TNS3: variants seen among roughly 807,000 people sequenced by gnomAD.
TNS3 encodes tensin 3.
TNS3 carries 45 observed loss-of-function variants against 140.9 expected under a neutral mutation model. The observed-to-expected ratio is 0.32, with a 90% CI of 0.25 to 0.41. The LOEUF (loss-of-function observed/expected upper bound fraction) is 0.41. Among genes scored for constraint, TNS3 ranks in the 10% least tolerant of loss-of-function variants. The probability of loss-of-function intolerance (pLI) is 1.00; values close to 1 mark genes in which losing one functional copy is unlikely to be tolerated. For synonymous variants in TNS3, 815 were observed against 788.4 expected (o/e 1.03, Z -0.56); for missense variants, 1,716 against 1,906.7 (o/e 0.90, Z 1.86).
intron 5 of TNS3, among the ~76,000 whole-genome samples, chr7:47,440,911 G>A (rs990769715): frequency 6.6e-6 from 1 of 152,012 alleles, no homozygotes; most frequent in African/African-American, 2.4e-5. Context: ...AAATGGTTTT[G>A]CAAACCTCCA....
At chr7:47,488,569 T>C (rs1797694792) in intron 3 of TNS3, among the ~76,000 whole-genome samples, 1 of 152,206 alleles carries the variant, frequency 6.6e-6, no homozygotes, top group Admixed American at 6.5e-5. Flanking sequence ...TCATACTGGA[T>C]TAGGCCCATC....
chr7:47,312,019 T>C (rs377646488), intron 20 of TNS3, among the ~76,000 whole-genome samples: 79 of 152,336 alleles, frequency 5.2e-4, no homozygotes, highest in Middle Eastern at 3.4e-3. Context: ...CCAGTACTAA[T>C]GTTCTGTTTG....
chr7:47,522,927 CA>C (rs370083525), intron 2 of TNS3, among the ~76,000 whole-genome samples: 18 of 139,698 alleles, frequency 1.3e-4, no homozygotes, highest in African/African-American at 3.2e-4. Context: ...GACTCCATCT[CA>C]AAAAAAAAAA....
intron 4 of TNS3, among the ~76,000 whole-genome samples, chr7:47,444,730 C>T (rs1795642576): frequency 6.6e-6 from 1 of 152,120 alleles, no homozygotes; most frequent in African/African-American, 2.4e-5. Context: ...CATTATAGGC[C>T]TCGATACAGT....
intron 16 of TNS3, among the ~76,000 whole-genome samples, chr7:47,388,505 A>G (rs1023099524): frequency 5.3e-5 from 8 of 152,188 alleles, no homozygotes; most frequent in Non-Finnish European, 7.3e-5. Flanking sequence ...AGCAATGGAG[A>G]TACTGATCAC....
chr7:47,550,762 T>C lies in TNS3; in HGVS notation c.-264-21615A>G, dbSNP rs943225157. On this transcript the variant is annotated intron_variant, in intron 1 of 30. Transcript: ENST00000311160. ...AGCCAGCAACTGGGCTCTGGTCATT[T>C]TATGGTACTAACATAGAATGGGATT... 3.9e-5 allele frequency among the ~76,000 whole-genome samples: 6 copies of C among 152,228 alleles called. No individual in the cohort carries two copies. In the East Asian group the frequency reaches 1.2e-3, roughly 29 times the overall value.
chr7:47,582,582 T>A (rs1784562287), upstream of TNS3: 2 of 425,882 alleles, frequency 4.7e-6, no homozygotes, highest in Non-Finnish European at 9.5e-6. Context: ...GCACAGCCGC[T>A]CCGGAAAGCC....
chr7:47,461,801 GT>G (rs2151693232), intron 4 of TNS3, among the ~76,000 whole-genome samples: 1 of 152,370 alleles, frequency 6.6e-6, no homozygotes, highest in South Asian at 2.1e-4. Flanking sequence ...AAACACTGAA[GT>G]TTTTGAGAGC....
chr7:47,436,244 A>G (rs2151542142), intron 7 of TNS3, among the ~76,000 whole-genome samples: 1 of 152,340 alleles, frequency 6.6e-6, no homozygotes, highest in African/African-American at 2.4e-5. Context: ...AGATACTATT[A>G]TACATAAATT....
chr7:47,470,840 G>T (rs1022118147), intron 4 of TNS3, among the ~76,000 whole-genome samples: 1 of 152,178 alleles, frequency 6.6e-6, no homozygotes, highest in Non-Finnish European at 1.5e-5. Context: ...CTGCAGAGGT[G>T]GGACAATAGC....
At chr7:47,352,231 C>A (rs1051924739) in intron 17 of TNS3, among the ~76,000 whole-genome samples, 1 of 152,190 alleles carries the variant, frequency 6.6e-6, no homozygotes, top group African/African-American at 2.4e-5. Flanking sequence ...CATATACTTA[C>A]ACTATACTCA....
intron 10 of TNS3, among the ~76,000 whole-genome samples, chr7:47,418,405 C>T (rs1794196562): frequency 1.3e-5 from 2 of 152,196 alleles, no homozygotes; most frequent in African/African-American, 4.8e-5. Flanking sequence ...TTCGTATACA[C>T]AGTATTTATC....
intron 1 of TNS3, among the ~76,000 whole-genome samples, chr7:47,554,097 G>C (rs1409909355): frequency 6.6e-6 from 1 of 150,834 alleles, no homozygotes; most frequent in Non-Finnish European, 1.5e-5. Flanking sequence ...GAGCCACTGT[G>C]CCTGGCCCTC....
intron 4 of TNS3, chr7:47,453,126 C>T (rs1446756235): frequency 3.0e-6 from 3 of 985,548 alleles, no homozygotes; most frequent in Non-Finnish European, 3.6e-6. Context: ...TGTGGGAGTC[C>T]CCAGAACCAC....
rs752202251 is a variant in TNS3 at position 47,303,297 on chromosome 7, A to G, written c.3110T>C (p.Leu1037Pro). 4 of 1,613,594 alleles carry G rather than the reference A, an allele frequency of 2.5e-6. No homozygotes were observed. The Admixed American group carries it at 5.0e-5, about 20-fold the overall frequency. ...VGSGLPPEED[L>P]GALLANSHGA... The stretch of plus-strand genomic sequence containing the variant: ...ATGAGAATTGGCCAGCAAGGCCCCC[A>G]GGTCCTCCTCGGGCGGAAGGCCACT... The change falls in exon 22 of 31, where the codon CTG (leucine) becomes CCG (proline). Residue 1037 changes from leucine to proline, a missense_variant. Around this residue, in one of 3 missense-constraint regions of TNS3, gnomAD observed 1,163 missense variants for 1,182.1 expected, o/e 0.98. Transcript: ENST00000311160.
intron 3 of TNS3, among the ~76,000 whole-genome samples, chr7:47,483,907 C>G (rs1797517569): frequency 6.6e-6 from 1 of 152,268 alleles, no homozygotes; most frequent in South Asian, 2.1e-4. Flanking sequence ...CCTGCCAGGA[C>G]TTCACTTGGA....
intron 1 of TNS3, among the ~76,000 whole-genome samples, chr7:47,555,462 G>A (rs1414703635): frequency 6.6e-6 from 1 of 151,362 alleles, no homozygotes; most frequent in Non-Finnish European, 1.5e-5. Context: ...AAAGCAGCAA[G>A]AGGGTTTGAA....
chr7:47,546,282 T>C (rs540765507), intron 1 of TNS3, among the ~76,000 whole-genome samples: 3 of 152,312 alleles, frequency 2.0e-5, no homozygotes, highest in African/African-American at 7.2e-5. Flanking sequence ...CTGAGCCACT[T>C]GTCTCACGTG....
chr7:47,443,118 C>A (rs1799379), intron 4 of TNS3, among the ~76,000 whole-genome samples: 1 of 151,920 alleles, frequency 6.6e-6, no homozygotes, highest in Admixed American at 6.6e-5. Flanking sequence ...ACCAAGGTGC[C>A]GGTGAGCTCA....
Sources: gnomAD v4.1 joint callset for allele counts (sites outside exome capture counted in the v4.1 genomes callset) on GRCh38, gnomAD v4.1.1 for gene constraint, gnomAD v4.1.1 regional missense constraint, MANE v1.5 for transcripts, NCBI Gene and HGNC (gene_info 2026-07-23, HGNC 2026-07-21) for gene names.